The following DSCAML1 variants were observed in gnomAD, a reference collection of about 807,000 sequenced individuals.
The protein encoded by DSCAML1 is cell adhesion molecule DSCAML1.
DSCAML1 carries 38 observed loss-of-function variants against 200.5 expected under a neutral mutation model. That is an observed-to-expected ratio of 0.19 (90% CI 0.15 to 0.25). The LOEUF (loss-of-function observed/expected upper bound fraction) is 0.25, where lower values mean the gene tolerates loss of function less well. DSCAML1 is among the 10% of genes least tolerant of loss of function. The probability of loss-of-function intolerance (pLI) is 1.00; values close to 1 mark genes in which losing one functional copy is unlikely to be tolerated. For missense variants in DSCAML1, 2,223 were observed against 2,858.8 expected (o/e 0.78, Z 5.07); for synonymous variants, 1,215 against 1,165.0 (o/e 1.04, Z -0.87).
chr11:117,616,550 G>A, intron 3 of DSCAML1, among the ~76,000 whole-genome samples: 1 of 152,190 alleles, frequency 6.6e-6, no homozygotes. Flanking sequence ...AATCTCCCAT[G>A]AATGAATCTC....
chr11:117,804,931 G>GA (rs61012823), intron 1 of DSCAML1, among the ~76,000 whole-genome samples: 226 of 150,894 alleles, frequency 1.5e-3, no homozygotes, highest in African/African-American at 4.6e-3. Flanking sequence ...TCTCATAAAA[G>GA]AAAAAAAAAA....
chr11:117,746,016 C>G (rs933662811), intron 3 of DSCAML1, among the ~76,000 whole-genome samples: 1 of 151,406 alleles, frequency 6.6e-6, no homozygotes, highest in Non-Finnish European at 1.5e-5. Flanking sequence ...AGATCGAGAA[C>G]ACCCTGGATA....
intron 5 of DSCAML1, among the ~76,000 whole-genome samples, chr11:117,522,879 A>G (rs2049908001): frequency 6.6e-6 from 1 of 152,094 alleles, no homozygotes; most frequent in Non-Finnish European, 1.5e-5. Flanking sequence ...AGATGGAGAA[A>G]AGTCACATTG....
At chr11:117,610,850 C>A (rs936864665) in intron 3 of DSCAML1, among the ~76,000 whole-genome samples, 7 of 149,320 alleles carry the variant, frequency 4.7e-5, no homozygotes, top group African/African-American at 7.4e-5. Flanking sequence ...ACCCCCCCCC[C>A]CCACAATGTG....
rs145436277 is a variant in DSCAML1 at position 117,651,087 on chromosome 11, G to A, written c.512-118565C>T. On this transcript the variant is annotated intron_variant, in intron 3 of 32. Coordinates refer to ENST00000651296, the MANE Select transcript of DSCAML1 (RefSeq NM_020693.4). ...TGTGACCATGGGGGACATGGACATG[G>A]CCTGATTTGTGGGCACAGACTAAGG... Among the ~76,000 whole-genome samples the A allele has an allele frequency of 7.0e-4, 107 of 152,374 alleles. 1 individual carries two copies. Among genetic ancestry groups the A allele is most frequent in the South Asian group, 3.9e-3 (19 of 4,834 alleles).
At chr11:117,533,626 G>T (rs961636608) in intron 3 of DSCAML1, among the ~76,000 whole-genome samples, 1 of 152,206 alleles carries the variant, frequency 6.6e-6, no homozygotes, top group Non-Finnish European at 1.5e-5. Flanking sequence ...TGCCCCGACT[G>T]TTGGGACCTA....
At chr11:117,641,600 G>C (rs1189574774) in intron 3 of DSCAML1, among the ~76,000 whole-genome samples, 1 of 152,152 alleles carries the variant, frequency 6.6e-6, no homozygotes, top group Non-Finnish European at 1.5e-5. Context: ...GGCAGCATGG[G>C]CTGTGGAGTG....
intron 1 of DSCAML1, among the ~76,000 whole-genome samples, chr11:117,783,582 T>A (rs2055300066): frequency 6.6e-6 from 1 of 152,090 alleles, no homozygotes; most frequent in Non-Finnish European, 1.5e-5. Context: ...TCTTCATAAC[T>A]CCCTCGGGGG....
intron 8 of DSCAML1, among the ~76,000 whole-genome samples, chr11:117,512,761 T>A (rs868480861): frequency 0.013 from 1,417 of 113,156 alleles, 34 homozygotes; most frequent in African/African-American, 0.049. Flanking sequence ...TCCTCTAGGA[T>A]CACACACACA....
chr11:117,501,510 G>A (rs2049394678), intron 11 of DSCAML1, among the ~76,000 whole-genome samples: 4 of 152,190 alleles, frequency 2.6e-5, no homozygotes, highest in Admixed American at 1.3e-4. Flanking sequence ...AGCCTTCGAT[G>A]TCCTTGGCCC....
intron 1 of DSCAML1, among the ~76,000 whole-genome samples, chr11:117,808,353 CCT>C: frequency 6.6e-6 from 1 of 152,292 alleles, no homozygotes; most frequent in Non-Finnish European, 1.5e-5. Flanking sequence ...TAGGAGGAGT[CCT>C]GAGACCATGG....
At chr11:117,435,511 G>A (rs1565674681) in intron 27 of DSCAML1, 133 bp downstream of exon 27, 2 of 1,069,698 alleles carry the variant, frequency 1.9e-6, no homozygotes, top group East Asian at 5.2e-5. Flanking sequence ...GAAAGTCTGA[G>A]TGGCTGCTCC....
intron 8 of DSCAML1, among the ~76,000 whole-genome samples, chr11:117,512,332 C>G (rs565196306): frequency 6.6e-6 from 1 of 152,298 alleles, no homozygotes; most frequent in South Asian, 2.1e-4. Context: ...CGGGCACCTC[C>G]TCCACCCCCC....
chr11:117,633,066 C>T (rs895901835), intron 3 of DSCAML1, among the ~76,000 whole-genome samples: 2 of 152,208 alleles, frequency 1.3e-5, no homozygotes, highest in Non-Finnish European at 2.9e-5. Context: ...ACCTGCCCTT[C>T]AGCCTTCTGG....
chr11:117,570,473 C>T (rs2050829979), intron 3 of DSCAML1, among the ~76,000 whole-genome samples: 3 of 152,164 alleles, frequency 2.0e-5, no homozygotes, highest in Admixed American at 2.0e-4. Context: ...TTATACCTCC[C>T]TCTGCACTGA....
At position 117,670,598 on chromosome 11, in the gene DSCAML1, G is replaced by A. The variant is rs193222243; in HGVS notation, c.511+106193C>T. Among the ~76,000 whole-genome samples the A allele has an allele frequency of 3.2e-4, 49 of 152,232 alleles. No homozygotes were observed. The East Asian group carries it at 6.0e-3, about 19-fold the overall frequency. ...TTCCAGCTGCTGCGTGAAGGCTGAC[G>A]GGAGGGGTCAGCTGAGGCTATTGTC... On this transcript the variant is annotated intron_variant, in intron 3 of 32. Coordinates refer to ENST00000651296, the MANE Select transcript of DSCAML1 (RefSeq NM_020693.4).
intron 3 of DSCAML1, among the ~76,000 whole-genome samples, chr11:117,544,728 G>A (rs879123177): frequency 6.6e-6 from 1 of 152,190 alleles, no homozygotes; most frequent in Admixed American, 6.5e-5. Flanking sequence ...CATGAGATGT[G>A]AGTCGGGAAC....
chr11:117,754,314 G>A (rs1198665736), intron 3 of DSCAML1, among the ~76,000 whole-genome samples: 1 of 152,190 alleles, frequency 6.6e-6, no homozygotes, highest in Non-Finnish European at 1.5e-5. Context: ...ACTCACTGCT[G>A]TCACTCTGTC....
chr11:117,459,261 G>A (rs2048433112), intron 18 of DSCAML1, among the ~76,000 whole-genome samples: 1 of 152,250 alleles, frequency 6.6e-6, no homozygotes, highest in Admixed American at 6.5e-5. Context: ...TCCCATGGGA[G>A]AGCCCAGAGT....
Sources: allele counts gnomAD v4.1 joint callset (sites outside exome capture counted in the v4.1 genomes callset), GRCh38; gene constraint gnomAD v4.1.1; transcripts MANE v1.5; gene names NCBI Gene and HGNC (gene_info 2026-07-23, HGNC 2026-07-21).